Variants in DDX10 observed in about 807,000 individuals in gnomAD.
DDX10 encodes probable ATP-dependent RNA helicase DDX10.
In DDX10, 74 loss-of-function variants were observed where a neutral mutation model predicts 104.3. That is an observed-to-expected ratio of 0.71 (90% CI 0.59 to 0.86). The LOEUF is 0.86. Among genes scored for constraint, DDX10 ranks in the 40% least tolerant of loss-of-function variants. The pLI is 0.00. For missense variants in DDX10, 952 were observed against 1,040.0 expected, an observed-to-expected ratio of 0.92 and a Z score of 1.16; for synonymous variants, 351 against 353.4, an observed-to-expected ratio of 0.99 and a Z score of 0.08.
intron 13 of DDX10, among the ~76,000 whole-genome samples, chr11:108,805,722 T>C (rs1862089069): frequency 6.6e-6 from 1 of 152,162 alleles, no homozygotes; most frequent in African/African-American, 2.4e-5. Context: ...ACAAATTTCT[T>C]GGGGTCTTGC....
chr11:108,712,653 A>G (rs79330650), intron 10 of DDX10, among the ~76,000 whole-genome samples: 2 of 152,272 alleles, frequency 1.3e-5, no homozygotes, highest in East Asian at 3.9e-4. Flanking sequence ...GCGTATATAC[A>G]TAAGATATAT....
At chr11:108,680,465 T>C (rs1048984009) in intron 6 of DDX10, among the ~76,000 whole-genome samples, 4 of 152,202 alleles carry the variant, frequency 2.6e-5, no homozygotes, top group African/African-American at 9.7e-5. Flanking sequence ...TCCTCCCACT[T>C]TGGCCTCCCA....
chr11:108,866,916 A>G (rs1345848244), intron 16 of DDX10, among the ~76,000 whole-genome samples: 1 of 152,222 alleles, frequency 6.6e-6, no homozygotes, highest in Non-Finnish European at 1.5e-5. Flanking sequence ...TATGACTGGT[A>G]TAAAGAACAG....
At chr11:108,905,310 T>TG (rs1863578136) in intron 16 of DDX10, among the ~76,000 whole-genome samples, 1 of 115,216 alleles carries the variant, frequency 8.7e-6, no homozygotes, top group Admixed American at 9.7e-5. Flanking sequence ...TTAGATTGTT[T>TG]AAGGGGGGGG....
chr11:108,803,220 G>A (rs986965623), intron 13 of DDX10, among the ~76,000 whole-genome samples: 3 of 150,452 alleles, frequency 2.0e-5, no homozygotes, highest in African/African-American at 7.3e-5. Flanking sequence ...TTTCTTACTC[G>A]GTCATTTCCA....
intron 10 of DDX10, among the ~76,000 whole-genome samples, chr11:108,710,284 C>A (rs2094282396): frequency 6.6e-6 from 1 of 152,112 alleles, no homozygotes; most frequent in Non-Finnish European, 1.5e-5. Flanking sequence ...TCTTCAGTAA[C>A]CTTAGCTTGC....
At chr11:108,870,847 G>A (rs921459222) in intron 16 of DDX10, among the ~76,000 whole-genome samples, 4 of 152,124 alleles carry the variant, frequency 2.6e-5, no homozygotes, top group African/African-American at 7.2e-5. Context: ...AGACCGATAC[G>A]AACAAACAGT....
intron 13 of DDX10, among the ~76,000 whole-genome samples, chr11:108,800,678 T>G (rs528353373): frequency 6.6e-6 from 1 of 152,208 alleles, no homozygotes; most frequent in African/African-American, 2.4e-5. Context: ...TATGGGAAAC[T>G]ATTGTTTCCC....
At chr11:108,670,391 C>A (rs950724297) in intron 1 of DDX10, among the ~76,000 whole-genome samples, 4 of 152,142 alleles carry the variant, frequency 2.6e-5, no homozygotes, top group Non-Finnish European at 5.9e-5. Context: ...TAGGAAGAGT[C>A]TCAGACTGCA....
intron 13 of DDX10, among the ~76,000 whole-genome samples, chr11:108,793,013 A>G (rs1359311132): frequency 1.3e-5 from 2 of 152,210 alleles, no homozygotes; most frequent in East Asian, 1.9e-4. Flanking sequence ...CAAAATGACA[A>G]TGTCTAGAAA....
intron 10 of DDX10, among the ~76,000 whole-genome samples, chr11:108,713,728 C>A (rs772924221): frequency 4.6e-5 from 7 of 151,984 alleles, no homozygotes; most frequent in Non-Finnish European, 8.8e-5. Context: ...ATGATAGATA[C>A]GATGTACCAG....
At chr11:108,679,272 G>A in intron 5 of DDX10, 99 bp from the exon 6 acceptor site, 1 of 1,036,700 alleles carries the variant, frequency 9.6e-7, no homozygotes, top group Non-Finnish European at 1.4e-6. Flanking sequence ...TTCCGCTAAT[G>A]TTCTTTTTCT....
chr11:108,790,226 A>C (rs552544144), intron 13 of DDX10, among the ~76,000 whole-genome samples: 1 of 152,182 alleles, frequency 6.6e-6, no homozygotes, highest in African/African-American at 2.4e-5. Flanking sequence ...CTTTGACTTC[A>C]TGTATGTTCA....
At chr11:108,936,778 A>G (rs943502733) in intron 17 of DDX10, among the ~76,000 whole-genome samples, 2 of 152,166 alleles carry the variant, frequency 1.3e-5, no homozygotes, top group African/African-American at 2.4e-5. Context: ...CCTTGTGCCT[A>G]AATCTTTGTC....
At chr11:108,890,880 G>A (rs923936620) in intron 16 of DDX10, among the ~76,000 whole-genome samples, 11 of 152,160 alleles carry the variant, frequency 7.2e-5, no homozygotes, top group Non-Finnish European at 1.5e-4. Flanking sequence ...TAGCAGCTGA[G>A]GTTAAGGTTT....
chr11:108,733,661 C>T (rs1213849729), intron 13 of DDX10, among the ~76,000 whole-genome samples: 1 of 152,078 alleles, frequency 6.6e-6, no homozygotes, highest in African/African-American at 2.4e-5. Flanking sequence ...TGATTCCCGT[C>T]ATTTCTACAT....
chr11:108,932,018 A>T (rs79493399), intron 17 of DDX10, among the ~76,000 whole-genome samples: 6,695 of 151,938 alleles, frequency 0.044, 503 homozygotes, highest in African/African-American at 0.14. Context: ...TGCTTGTTTT[A>T]TATGTCAGCA....
At chr11:108,931,043 C>A (rs1269808763) in intron 17 of DDX10, among the ~76,000 whole-genome samples, 1 of 152,188 alleles carries the variant, frequency 6.6e-6, no homozygotes. Context: ...ACCCCTACCC[C>A]ATTCAGTATC....
At position 108,907,828 on chromosome 11, in the gene DDX10, C is replaced by T. The variant is rs182767632; in HGVS notation, c.2305-10045C>T. Among the ~76,000 whole-genome samples, 259 of 152,248 alleles carry T rather than the reference C, an allele frequency of 1.7e-3. 1 individual carries two copies. Among genetic ancestry groups the T allele is most frequent in the African/African-American group, 5.9e-3 (246 of 41,552 alleles). ...GATCAAGTATATAAATCAGTATTAA[C>T]GCTATAACCCAAATCACCATTATAG... On this transcript the variant is annotated intron_variant, in intron 16 of 17. Coordinates refer to ENST00000322536, the MANE Select transcript of DDX10 (RefSeq NM_004398.4).
Sources: allele counts gnomAD v4.1 joint callset (sites outside exome capture counted in the v4.1 genomes callset), GRCh38; gene constraint gnomAD v4.1.1; transcripts MANE v1.5; gene names NCBI Gene and HGNC (gene_info 2026-07-23, HGNC 2026-07-21).